Variants in NOS3 observed in about 807,000 individuals in gnomAD.
NOS3 encodes the protein NOS type III.
In NOS3, 98 loss-of-function variants were observed where a neutral mutation model predicts 144.9. The observed-to-expected ratio is 0.68, with a 90% CI of 0.57 to 0.80. The LOEUF is 0.80. NOS3 is among the 30% of genes least tolerant of loss of function. The probability of loss-of-function intolerance (pLI) is 0.00; values close to 1 mark genes in which losing one functional copy is unlikely to be tolerated. For synonymous variants in NOS3, 714 were observed against 702.4 expected (o/e 1.02, Z -0.26); for missense variants, 1,465 against 1,656.4 (o/e 0.88, Z 2.01).
Position 151,003,524 on chromosome 7 carries a change from C to T in NOS3, c.1752+1220C>T. The T allele has an allele frequency of 2.2e-5, 28 of 1,264,842 alleles. No homozygotes were observed. Among genetic ancestry groups the T allele is most frequent in the Non-Finnish European group, 2.9e-5 (28 of 967,900 alleles). 78.4% of individuals were successfully genotyped at this position (1,264,842 alleles called of 1,614,324 possible). Reference sequence around the variant, plus strand: ...TGACCTACCTTTTCAAGAAAAATAGCACCAGCAATTGACTTTTTTTTAGCA... The same window carrying T: ...TGACCTACCTTTTCAAGAAAAATAGTACCAGCAATTGACTTTTTTTTAGCA... On this transcript the variant is annotated intron_variant, in intron 14 of 26. Transcript: ENST00000297494. The surrounding 1 kb of genome is among the most constrained non-coding windows in gnomAD (Gnocchi z 4.1).
Position 151,002,060 on chromosome 7 carries a change from G to A in NOS3, c.1647+95G>A, listed in dbSNP as rs1795117135. 20 of 1,515,800 alleles carry A rather than the reference G, an allele frequency of 1.3e-5. No individual in the cohort carries two copies. In the South Asian group the frequency reaches 2.1e-4, roughly 16 times the overall value. 93.9% of individuals were successfully genotyped at this position (1,515,800 alleles called of 1,614,324 possible). ...GGAGGACAGGAAGTGTTACAAGTCA[G>A]GACTCATGAGGAACCCGGAACCACA... is the stretch of plus-strand genomic sequence containing the variant. On this transcript the variant is annotated intron_variant, in intron 13 of 26. Coordinates refer to ENST00000297494, the MANE Select transcript of NOS3 (RefSeq NM_000603.5). The surrounding 1 kb of genome is among the most constrained non-coding windows in gnomAD (Gnocchi z 4.1).
chr7:151,014,283 C>A lies in NOS3; in HGVS notation c.*114C>A, dbSNP rs1795391568. On this transcript the variant is annotated 3_prime_UTR_variant, in exon 27 of 27. Transcript: ENST00000297494. The stretch of plus-strand genomic sequence containing the variant: ...TGAGGTGGTGCCTTCTCACATCTGT[C>A]CAGAGGCTGCAAGGATTCAGCATTA... 1.9e-6 allele frequency: 2 copies of A among 1,077,568 alleles called. No individual in the cohort carries two copies. The highest frequency in any genetic ancestry group is 2.6e-6 in the Non-Finnish European group (2 of 765,876). The allele number at this position is 1,077,568 out of a possible 1,614,324, so 66.8% of individuals were successfully genotyped here.
intron 18 of NOS3, 31 bp from the exon 19 acceptor site, chr7:151,009,158 G>A (rs6969597): frequency 6.2e-6 from 10 of 1,613,546 alleles, no homozygotes; most frequent in Admixed American, 1.7e-5. Flanking sequence ...CCCTAGCTCA[G>A]GCTGCCTCAT....
chr7:150,999,881 G>C (rs1563218145), intron 9 of NOS3, among the ~76,000 whole-genome samples: 1 of 118,172 alleles, frequency 8.5e-6, no homozygotes, highest in Non-Finnish European at 1.8e-5. Flanking sequence ...GTGTGGGTTT[G>C]TGGGGTGTGT....
Position 151,010,646 on chromosome 7 carries a change from T to C in NOS3, c.2735T>C (p.Leu912Pro). ...AAGTGGTTCCGCTGCCCCACGCTGC[T>C]GGAGGTGCTGGAGCAGTTCCCGTCG... ...EWKWFRCPTLLEVLEQFPSVA... is the reference protein window; with the variant it reads ...EWKWFRCPTLPEVLEQFPSVA... Residue 912 changes from leucine (L) to proline (P), a missense_variant, in exon 22 of 27, where the codon CTG becomes CCG. Transcript: ENST00000297494. 6.2e-7 allele frequency: 1 copy of C among 1,606,606 alleles called. No individual in the cohort carries two copies. Among genetic ancestry groups the C allele is most frequent in the Non-Finnish European group, 8.5e-7 (1 of 1,176,894 alleles).
At chr7:150,995,977 T>TC (rs568725328) in intron 3 of NOS3, among the ~76,000 whole-genome samples, 40 of 2,878 alleles carry the variant, frequency 0.014, 5 homozygotes, top group Middle Eastern at 0.062. Flanking sequence ...TTCCTCCCTC[T>TC]CCCCGTCCCA....
Position 151,002,569 on chromosome 7 carries a change from G to A in NOS3, c.1752+265G>A, listed in dbSNP as rs111687611. ...TGCAAGCACATTTGCTTAACTGCGC[G>A]TCCCCAAGTCATTTCCATTATCAGT... On this transcript the variant is annotated intron_variant, in intron 14 of 26. Transcript: ENST00000297494. The surrounding 1 kb of genome is among the most constrained non-coding windows in gnomAD (Gnocchi z 4.1). Among the ~76,000 whole-genome samples the A allele has an allele frequency of 5.1e-4, 77 of 152,254 alleles. No homozygotes were observed. The highest frequency in any genetic ancestry group is 1.8e-3 in the African/African-American group (76 of 41,538).
rs149255032 is a variant in NOS3 at position 150,999,183 on chromosome 7, C to T, written c.957-7C>T. 2.0e-4 allele frequency: 322 copies of T among 1,609,382 alleles called. 1 individual carries two copies. In the African/African-American group the frequency reaches 4.0e-3, roughly 20 times the overall value. ...GGGGTGCTGATCCCACACCCCAACACCCCCAGGCTGGAGTGGTTTGCAGCC... is the reference window on the plus strand; with the variant it reads ...GGGGTGCTGATCCCACACCCCAACATCCCCAGGCTGGAGTGGTTTGCAGCC... On this transcript the variant is annotated splice_region_variant and splice_polypyrimidine_tract_variant and intron_variant, in intron 8 of 26. Coordinates refer to ENST00000297494, the MANE Select transcript of NOS3 (RefSeq NM_000603.5).
Position 151,010,499 on chromosome 7 carries a change from G to A in NOS3, c.2686-98G>A, listed in dbSNP as rs962689836. The A allele has an allele frequency of 3.1e-6, 4 of 1,276,124 alleles. No individual in the cohort carries two copies. In the African/African-American group the frequency reaches 4.5e-5, roughly 14 times the overall value. 79.1% of individuals were successfully genotyped at this position (1,276,124 alleles called of 1,614,324 possible). ...AACTCTATTGGCCTGAACTGAGCAG[G>A]GAGAAACCCTAAAGAGGCTCAGTGG... On this transcript the variant is annotated intron_variant, in intron 21 of 26. Coordinates refer to ENST00000297494, the MANE Select transcript of NOS3 (RefSeq NM_000603.5).
At position 150,998,173 on chromosome 7, in the gene NOS3, C is replaced by G. The variant is rs115380064; in HGVS notation, c.583-184C>G. 6.6e-6 allele frequency among the ~76,000 whole-genome samples: 1 copy of G among 152,110 alleles called. No individual in the cohort carries two copies. ...CCCAGGGAGGAGATGAGAAGCAGCC[C>G]GGATGGTGCTACATATGTCAGAGAG... On this transcript the variant is annotated intron_variant, in intron 5 of 26. Coordinates refer to ENST00000297494, the MANE Select transcript of NOS3 (RefSeq NM_000603.5). This position sits in a 1 kb window ranked among gnomAD's most constrained non-coding sequence, Gnocchi z 5.0.
chr7:150,996,554 T>C lies in NOS3; in HGVS notation c.419+2T>C. 6.3e-7 allele frequency: 1 copy of C among 1,587,372 alleles called. No homozygotes were observed. The highest frequency in any genetic ancestry group is 8.6e-7 in the Non-Finnish European group (1 of 1,166,238). ...CCAGTACTACAGCTCCATTAAGAGG[T>C]GACAGCTTCCCGGACGCCACAGCCT... On this transcript the variant is annotated splice_donor_variant, in intron 4 of 26. Transcript: ENST00000297494. LOFTEE classifies it high-confidence loss of function.
In NOS3 at chr7:151,014,117, G is replaced by T; in HGVS notation, c.3560G>T (p.Gly1187Val). Residue 1187 changes from glycine (G) to valine (V), a missense_variant, in exon 27 of 27, where the codon GGC becomes GTC. By Grantham distance (109) the Gly-to-Val change is moderately radical. This residue lies in a region of NOS3 where 228 missense variants were observed against 227.7 expected (regional missense o/e 1.00). Transcript: ENST00000297494. ...SFSLQERQLR[G>V]AVPWAFDPPG... ...TCCTTGCAGGAGCGTCAGTTGCGGG[G>T]CGCAGTGCCCTGGGCGTTCGACCCT... 1.2e-6 allele frequency: 2 copies of T among 1,613,436 alleles called. No homozygotes were observed. The highest frequency in any genetic ancestry group is 1.7e-6 in the Non-Finnish European group (2 of 1,179,730).
rs1457921273 is a variant in NOS3 at position 150,996,749 on chromosome 7, C to T, written c.420-14C>T. The T allele has an allele frequency of 1.9e-6, 3 of 1,611,242 alleles. No individual in the cohort carries two copies. Among genetic ancestry groups the T allele is most frequent in the African/African-American group, 2.7e-5 (2 of 74,990 alleles). On this transcript the variant is annotated splice_polypyrimidine_tract_variant and intron_variant, in intron 4 of 26. Coordinates refer to ENST00000297494, the MANE Select transcript of NOS3 (RefSeq NM_000603.5). ...ACTTCCTGCTTGTCCCCTTCCCACC[C>T]CTCTCCTCCCCAGGAGCGGCTCCCA...
At chr7:151,001,741 T>C (rs1172632817) in intron 12 of NOS3, 80 bp from the exon 13 acceptor site, 27 of 1,591,218 alleles carry the variant, frequency 1.7e-5, no homozygotes, top group Non-Finnish European at 2.2e-5. Flanking sequence ...CAAAACCCTG[T>C]TGTGAGGGGG....
chr7:151,004,938 A>G (rs1204338772), intron 14 of NOS3, among the ~76,000 whole-genome samples: 2 of 151,484 alleles, frequency 1.3e-5, no homozygotes, highest in African/African-American at 2.4e-5. Flanking sequence ...GCTCACTGCA[A>G]CCTCCGCCTC....
chr7:150,996,656 C>G (rs537728048), intron 4 of NOS3, 104 bp downstream of exon 4: 4 of 1,479,814 alleles, frequency 2.7e-6, no homozygotes, highest in Non-Finnish European at 2.8e-6. Context: ...CCTAACACCA[C>G]GTGGGCCCCT....
In NOS3 at chr7:151,010,682, C is replaced by T; in HGVS notation, c.2771C>T (p.Pro924Leu). ...VLEQFPSVAL[P>L]APLLLTQLPL... ...GAGCAGTTCCCGTCGGTGGCGCTGC[C>T]TGCCCCACTGCTCCTCACCCAGCTG... Residue 924 changes from proline (P) to leucine (L), a missense_variant, in exon 22 of 27, where the codon CCT becomes CTT. Transcript: ENST00000297494. The T allele has an allele frequency of 6.2e-7, 1 of 1,609,882 alleles. No individual in the cohort carries two copies. The highest frequency in any genetic ancestry group is 8.5e-7 in the Non-Finnish European group (1 of 1,178,446).
Position 150,998,711 on chromosome 7 carries a change from C to T in NOS3, c.816+31C>T, listed in dbSNP as rs769443965. 49 of 1,585,948 alleles carry T rather than the reference C, an allele frequency of 3.1e-5. No homozygotes were observed. Among genetic ancestry groups the T allele is most frequent in the Non-Finnish European group, 4.0e-5 (47 of 1,166,396 alleles). ...CACCGAGGGCCACCCATGAGGGTGT[C>T]CCCAAGGTGGAGAATGAGGAAACCA... On this transcript the variant is annotated intron_variant, in intron 7 of 26. Transcript: ENST00000297494. This position sits in a 1 kb window ranked among gnomAD's most constrained non-coding sequence, Gnocchi z 5.0.
intron 1 of NOS3, among the ~76,000 whole-genome samples, chr7:150,992,882 C>T (rs2243311): frequency 0.01 from 1,524 of 152,330 alleles, 25 homozygotes; most frequent in African/African-American, 0.035. Flanking sequence ...CCAGCATGCA[C>T]TCTGGCCTGA....
Sources: allele counts gnomAD v4.1 joint callset (sites outside exome capture counted in the v4.1 genomes callset), GRCh38; gene constraint gnomAD v4.1.1; regional missense constraint gnomAD v4.1.1; non-coding constraint Gnocchi (gnomAD v3.1); transcripts MANE v1.5; gene names NCBI Gene and HGNC (gene_info 2026-07-23, HGNC 2026-07-21).